Variants in PTPRR observed in about 807,000 individuals in gnomAD.
PTPRR encodes the protein protein tyrosine phosphatase receptor type R.
A neutral mutation model predicts 77.2 loss-of-function variants in PTPRR; 38 were observed. That is an observed-to-expected ratio of 0.49 (90% CI 0.38 to 0.65). The LOEUF is 0.65. Ranked by LOEUF, PTPRR falls within the 30% of genes least tolerant of loss-of-function variation. The probability of loss-of-function intolerance (pLI) is 0.00; values close to 1 mark genes in which losing one functional copy is unlikely to be tolerated. For synonymous variants in PTPRR, 299 were observed against 283.1 expected (o/e 1.06, Z -0.57); for missense variants, 744 against 799.2 (o/e 0.93, Z 0.83).
Position 70,754,822 on chromosome 12 carries a change from T to C in PTPRR, c.628-521A>G, listed in dbSNP as rs1890521102. ...TTCTTTTAATCACATCTTTTTTTTT[T>C]TTCAAATAGAGTCTCTGCTGTCAAA... On this transcript the variant is annotated intron_variant, in intron 4 of 13. Coordinates refer to ENST00000283228, the MANE Select transcript of PTPRR (RefSeq NM_002849.4). 42 of 1,328,214 alleles carry C rather than the reference T, an allele frequency of 3.2e-5. 1 individual carries two copies. The highest frequency in any genetic ancestry group is 4.2e-5 in the Non-Finnish European group (42 of 998,098). 82.3% of individuals were successfully genotyped at this position (1,328,214 alleles called of 1,614,324 possible).
chr12:70,681,770 T>C (rs969193985), intron 10 of PTPRR, among the ~76,000 whole-genome samples: 2 of 152,314 alleles, frequency 1.3e-5, no homozygotes, highest in African/African-American at 2.4e-5. Context: ...GGCTTTTCTA[T>C]GGAAATCTGT....
intron 10 of PTPRR, among the ~76,000 whole-genome samples, chr12:70,675,011 T>C (rs1258509289): frequency 1.3e-5 from 2 of 152,120 alleles, no homozygotes; most frequent in Non-Finnish European, 2.9e-5. Flanking sequence ...AGCTCTCTGA[T>C]AATGATTGTT....
intron 2 of PTPRR, among the ~76,000 whole-genome samples, chr12:70,812,887 T>G (rs1406195711): frequency 6.6e-6 from 1 of 152,224 alleles, no homozygotes; most frequent in Non-Finnish European, 1.5e-5. Flanking sequence ...TACCCCTGGC[T>G]TTCTGGAGCC....
chr12:70,700,963 C>A (rs973845967), intron 7 of PTPRR, among the ~76,000 whole-genome samples, 174 bp downstream of exon 7: 5 of 152,162 alleles, frequency 3.3e-5, no homozygotes, highest in African/African-American at 1.2e-4. Flanking sequence ...GCTCTACATT[C>A]CAATTTTAAT....
At chr12:70,843,051 C>T (rs534612927) in intron 2 of PTPRR, among the ~76,000 whole-genome samples, 1 of 152,170 alleles carries the variant, frequency 6.6e-6, no homozygotes, top group Admixed American at 6.5e-5. Flanking sequence ...AAATAAATCA[C>T]CCACAAAATG....
intron 2 of PTPRR, among the ~76,000 whole-genome samples, chr12:70,864,666 C>T (rs1157027107): frequency 1.3e-5 from 2 of 152,150 alleles, no homozygotes; most frequent in South Asian, 2.1e-4. Context: ...GCTGTGTCCC[C>T]ACCAAAATCT....
At chr12:70,742,458 G>A (rs931405681) in intron 6 of PTPRR, among the ~76,000 whole-genome samples, 2 of 152,126 alleles carry the variant, frequency 1.3e-5, no homozygotes, top group African/African-American at 2.4e-5. Flanking sequence ...AAAGAGAATG[G>A]CATGGTACCT....
At chr12:70,849,604 T>C (rs1430320158) in intron 2 of PTPRR, among the ~76,000 whole-genome samples, 1 of 152,242 alleles carries the variant, frequency 6.6e-6, no homozygotes, top group Non-Finnish European at 1.5e-5. Flanking sequence ...TTTTACATTA[T>C]AATTTACAAC....
chr12:70,765,354 T>C (rs1231879857), intron 2 of PTPRR, among the ~76,000 whole-genome samples: 1 of 152,150 alleles, frequency 6.6e-6, no homozygotes, highest in Admixed American at 6.5e-5. Context: ...CACCAGGAGA[T>C]TATATCCCTC....
At chr12:70,681,364 C>T (rs1056438092) in intron 10 of PTPRR, among the ~76,000 whole-genome samples, 13 of 152,346 alleles carry the variant, frequency 8.5e-5, no homozygotes, top group African/African-American at 2.6e-4. Flanking sequence ...AGCCATGTGG[C>T]TGTCAGGCAG....
intron 2 of PTPRR, among the ~76,000 whole-genome samples, chr12:70,795,111 T>A (rs990452549): frequency 5.3e-5 from 8 of 152,186 alleles, no homozygotes; most frequent in African/African-American, 1.7e-4. Context: ...TATATTTTTT[T>A]AAAATCCTTT....
At chr12:70,670,749 C>A (rs760440061) in intron 10 of PTPRR, among the ~76,000 whole-genome samples, 4 of 152,166 alleles carry the variant, frequency 2.6e-5, no homozygotes, top group African/African-American at 4.8e-5. Context: ...TAGGTTTAAG[C>A]CACTATGTCT....
At position 70,803,447 on chromosome 12, in the gene PTPRR, C is replaced by G. The variant is rs930478665; in HGVS notation, c.358-38669G>C. On this transcript the variant is annotated intron_variant, in intron 2 of 13. Coordinates refer to ENST00000283228, the MANE Select transcript of PTPRR (RefSeq NM_002849.4). ...TCTAAGTGCAAACACCAAGAAGAAG[C>G]AGTATGCAAATTCAAGTAGACAAGA... Among the ~76,000 whole-genome samples, 8 of 152,040 alleles carry G rather than the reference C, an allele frequency of 5.3e-5. No homozygotes were observed. In the East Asian group the frequency reaches 1.5e-3, roughly 29 times the overall value.
chr12:70,683,752 T>C (rs1369884352), intron 10 of PTPRR, among the ~76,000 whole-genome samples: 1 of 152,228 alleles, frequency 6.6e-6, no homozygotes, highest in Non-Finnish European at 1.5e-5. Flanking sequence ...GATCTTGGTG[T>C]GTTTTGTTTA....
chr12:70,671,993 G>GAC, intron 10 of PTPRR: 1 of 1,306,730 alleles, frequency 7.7e-7, no homozygotes. Context: ...ACCCTCCAGA[G>GAC]ACATGAGACT....
At chr12:70,919,404 A>G (rs1893820037) in intron 1 of PTPRR, among the ~76,000 whole-genome samples, 1 of 152,130 alleles carries the variant, frequency 6.6e-6, no homozygotes, top group African/African-American at 2.4e-5. Context: ...ATTTTGGTTC[A>G]TGTGTGTGTG....
intron 13 of PTPRR, among the ~76,000 whole-genome samples, chr12:70,656,406 T>C (rs1464433439): frequency 6.6e-6 from 1 of 151,608 alleles, no homozygotes; most frequent in Non-Finnish European, 1.5e-5. Flanking sequence ...CGCACACCTG[T>C]AGTCCTAGCT....
chr12:70,850,542 G>A (rs1045963508), intron 2 of PTPRR, among the ~76,000 whole-genome samples: 1 of 151,938 alleles, frequency 6.6e-6, no homozygotes, highest in African/African-American at 2.4e-5. Context: ...AATAAGTATT[G>A]GAAGCATCAT....
intron 2 of PTPRR, among the ~76,000 whole-genome samples, chr12:70,865,004 G>A (rs984693451): frequency 6.6e-6 from 1 of 151,928 alleles, no homozygotes; most frequent in Non-Finnish European, 1.5e-5. Context: ...TAGTACAGAC[G>A]GGGTTTTACC....
Sources: allele counts gnomAD v4.1 joint callset (sites outside exome capture counted in the v4.1 genomes callset), GRCh38; gene constraint gnomAD v4.1.1; transcripts MANE v1.5; gene names NCBI Gene and HGNC (gene_info 2026-07-23, HGNC 2026-07-21).